The following CDIN1 variants were observed in gnomAD, a reference collection of about 807,000 sequenced individuals.
The protein encoded by CDIN1 is CDAN1-interacting nuclease 1.
A neutral mutation model predicts 45.3 loss-of-function variants in CDIN1; 33 were observed. The ratio of observed to expected loss-of-function variants is 0.73; its 90% CI spans 0.55 to 0.97. CDIN1 has a LOEUF of 0.97. CDIN1 is among the 50% of genes least tolerant of loss of function. The pLI, the probability that CDIN1 is intolerant of heterozygous loss-of-function variation, is 0.00. For missense variants in CDIN1, 303 were observed against 339.4 expected (o/e 0.89, Z 0.84); for synonymous variants, 118 against 124.4 (o/e 0.95, Z 0.34).
chr15:36,764,214 G>GTTTTTTTT (rs11297312), intron 10 of CDIN1, among the ~76,000 whole-genome samples: 6 of 116,282 alleles, frequency 5.2e-5, no homozygotes, highest in East Asian at 2.7e-4. Context: ...TGTGGTTTTG[G>GTTTTTTTT]TTTTTTTTTT....
At chr15:36,717,699 T>G (rs930671122) in intron 10 of CDIN1, among the ~76,000 whole-genome samples, 1 of 152,158 alleles carries the variant, frequency 6.6e-6, no homozygotes, top group Non-Finnish European at 1.5e-5. Context: ...TACCTGGGAA[T>G]GAAATGATTG....
intron 10 of CDIN1, among the ~76,000 whole-genome samples, chr15:36,735,322 A>G (rs1360378552): frequency 2.0e-5 from 3 of 152,162 alleles, no homozygotes; most frequent in African/African-American, 4.8e-5. Context: ...CCAGAAATAC[A>G]TAGTTTTAGT....
At chr15:36,704,566 G>GTT (rs1167759017) in intron 8 of CDIN1, 3 of 129,994 alleles carry the variant, frequency 2.3e-5, no homozygotes, top group Admixed American at 7.9e-5. Flanking sequence ...GTGATACAGT[G>GTT]TTTTGAAAAA....
intron 10 of CDIN1, among the ~76,000 whole-genome samples, chr15:36,712,818 A>G (rs185243039): frequency 6.4e-4 from 97 of 152,262 alleles, no homozygotes; most frequent in Non-Finnish European, 1.1e-3. Context: ...CCTTGGTTAA[A>G]CAACTACTCA....
At chr15:36,629,436 C>T (rs528950597) in intron 1 of CDIN1, among the ~76,000 whole-genome samples, 41 of 152,148 alleles carry the variant, frequency 2.7e-4, no homozygotes, top group East Asian at 7.7e-4. Context: ...CTAAGGCTTT[C>T]GTGGAAGAAA....
intron 8 of CDIN1, among the ~76,000 whole-genome samples, chr15:36,701,744 G>C (rs571033083): frequency 1.3e-5 from 2 of 152,120 alleles, no homozygotes; most frequent in East Asian, 3.9e-4. Flanking sequence ...GGCATTTGCT[G>C]TGCCCCTGCC....
chr15:36,744,029 C>T (rs569975309), intron 10 of CDIN1, among the ~76,000 whole-genome samples: 29 of 140,294 alleles, frequency 2.1e-4, no homozygotes, highest in Non-Finnish European at 3.2e-4. Context: ...TTTTCTATTT[C>T]CCTGAAATTT....
At chr15:36,677,026 G>A (rs1006695715) in intron 5 of CDIN1, among the ~76,000 whole-genome samples, 12 of 152,162 alleles carry the variant, frequency 7.9e-5, no homozygotes, top group Non-Finnish European at 2.9e-5. Flanking sequence ...ATGTTTTCAC[G>A]GTTTACCTCA....
At chr15:36,605,651 T>C (rs905404989) in intron 1 of CDIN1, among the ~76,000 whole-genome samples, 3 of 152,222 alleles carry the variant, frequency 2.0e-5, no homozygotes, top group African/African-American at 7.2e-5. Context: ...TTTAGAGTGT[T>C]GTTGACTGTC....
chr15:36,730,695 C>A (rs892393216), intron 10 of CDIN1, among the ~76,000 whole-genome samples: 1 of 151,960 alleles, frequency 6.6e-6, no homozygotes, highest in African/African-American at 2.4e-5. Context: ...CAGGTCATAT[C>A]CCTCACCCCA....
At chr15:36,609,271 C>A (rs942746143) in intron 1 of CDIN1, among the ~76,000 whole-genome samples, 1 of 152,184 alleles carries the variant, frequency 6.6e-6, no homozygotes. Context: ...CTACCTTGGC[C>A]TCCCAAAGTT....
At position 36,747,401 on chromosome 15, in the gene CDIN1, G is replaced by A. The variant is rs1950992433; in HGVS notation, c.716+37440G>A. ...GGCCTAGAGTTTTCATTTATTCCAT[G>A]CTCTTTTTTATAAGTGAACTTTTCT... On this transcript the variant is annotated intron_variant, in intron 10 of 10. Transcript: ENST00000566621. Among the ~76,000 whole-genome samples, 5 of 152,224 alleles carry A rather than the reference G, an allele frequency of 3.3e-5. No individual in the cohort carries two copies. The South Asian group carries it at 1.0e-3, about 32-fold the overall frequency.
chr15:36,808,319 T>C lies in CDIN1; in HGVS notation c.717-5T>C, dbSNP rs773641915. On this transcript the variant is annotated splice_polypyrimidine_tract_variant and splice_region_variant and intron_variant, in intron 10 of 10. Transcript: ENST00000566621. ...TGTGTGTGTTATTTTCTGGTGTTTT[T>C]ACAGATTTGGGCCAGGCTTAGTCAT... 25 of 1,613,268 alleles carry C rather than the reference T, an allele frequency of 1.5e-5. No homozygotes were observed. Among genetic ancestry groups the C allele is most frequent in the Non-Finnish European group, 1.4e-5 (17 of 1,179,400 alleles).
chr15:36,660,493 G>A (rs1456236696), intron 5 of CDIN1, among the ~76,000 whole-genome samples: 1 of 152,126 alleles, frequency 6.6e-6, no homozygotes, highest in Non-Finnish European at 1.5e-5. Context: ...ATAGCTAATA[G>A]CATGGGACAT....
At chr15:36,618,280 C>G in intron 1 of CDIN1, 1 of 665,970 alleles carries the variant, frequency 1.5e-6, no homozygotes, top group South Asian at 1.8e-5. Flanking sequence ...GGGGGATGGA[C>G]AATTGAACAG....
chr15:36,735,792 T>C (rs1395451202), intron 10 of CDIN1, among the ~76,000 whole-genome samples: 1 of 152,220 alleles, frequency 6.6e-6, no homozygotes, highest in Non-Finnish European at 1.5e-5. Context: ...ATAATTTTTT[T>C]CCACTTGGGA....
intron 1 of CDIN1, chr15:36,614,046 A>G (rs1235374067): frequency 4.4e-6 from 5 of 1,124,006 alleles, no homozygotes; most frequent in Non-Finnish European, 6.7e-6. Flanking sequence ...TCAAGATTCT[A>G]CTGATAAACT....
intron 10 of CDIN1, chr15:36,804,662 A>G (rs1480945547): frequency 6.7e-6 from 1 of 148,170 alleles, no homozygotes; most frequent in African/African-American, 2.5e-5. Flanking sequence ...ATGAAATGAA[A>G]CCAGAGAATC....
chr15:36,632,618 G>A (rs1243941807), intron 1 of CDIN1, among the ~76,000 whole-genome samples: 1 of 152,146 alleles, frequency 6.6e-6, no homozygotes, highest in East Asian at 1.9e-4. Context: ...CACTTTGTGG[G>A]ATCCCCCATG....
Sources: gnomAD v4.1 joint callset for allele counts (sites outside exome capture counted in the v4.1 genomes callset) on GRCh38, gnomAD v4.1.1 for gene constraint, MANE v1.5 for transcripts, NCBI Gene and HGNC (gene_info 2026-07-23, HGNC 2026-07-21) for gene names.